Variants in PLAC8L1 observed in about 807,000 individuals in gnomAD.
PLAC8L1 encodes PLAC8 like 1, also known as PLAC8-like protein 1.
Under a neutral mutation model 16.3 loss-of-function variants are expected in PLAC8L1, and 13 were observed. The ratio of observed to expected loss-of-function variants is 0.80; its 90% CI spans 0.52 to 1.27. PLAC8L1 has a LOEUF of 1.27. Ranked by LOEUF, PLAC8L1 falls within the 50% of genes most tolerant of loss-of-function variation. The pLI, the probability that PLAC8L1 is intolerant of heterozygous loss-of-function variation, is 0.00. For missense variants in PLAC8L1, 184 were observed against 220.2 expected, an observed-to-expected ratio of 0.84 and a Z score of 1.04; for synonymous variants, 78 against 79.3, an observed-to-expected ratio of 0.98 and a Z score of 0.09.
intron 2 of PLAC8L1, among the ~76,000 whole-genome samples, chr5:146,093,670 GC>G (rs1344897359): frequency 6.6e-6 from 1 of 152,318 alleles, no homozygotes; most frequent in Non-Finnish European, 1.5e-5. Flanking sequence ...GGGCGTCAGA[GC>G]ATTGAACAAG....
At position 146,098,298 on chromosome 5, in the gene PLAC8L1, G is replaced by T. The variant is rs776613367; in HGVS notation, c.120-6C>A. 6.2e-7 allele frequency: 1 copy of T among 1,613,066 alleles called. No homozygotes were observed. The highest frequency in any genetic ancestry group is 1.3e-5 in the African/African-American group (1 of 75,014). ...CGCTGGCTGGTACATGGCCTCTGGA[G>T]AGTCAAGGATGATGATTAACTTGGA... On this transcript the variant is annotated splice_polypyrimidine_tract_variant and splice_region_variant and intron_variant, in intron 1 of 3. Coordinates refer to ENST00000311450, the MANE Select transcript of PLAC8L1 (RefSeq NM_001029869.3).
chr5:146,088,022 G>A (rs561608823), intron 2 of PLAC8L1, among the ~76,000 whole-genome samples: 2 of 152,288 alleles, frequency 1.3e-5, no homozygotes, highest in South Asian at 2.1e-4. Flanking sequence ...CTAATGGTTT[G>A]GCACCATCCC....
chr5:146,101,788 A>G (rs1411367083), intron 1 of PLAC8L1, among the ~76,000 whole-genome samples: 1 of 152,186 alleles, frequency 6.6e-6, no homozygotes, highest in Non-Finnish European at 1.5e-5. Flanking sequence ...CTCCATACAA[A>G]GGCATTTACC....
intron 2 of PLAC8L1, among the ~76,000 whole-genome samples, chr5:146,094,059 T>TTTG (rs1330480324): frequency 6.6e-6 from 1 of 152,238 alleles, no homozygotes; most frequent in East Asian, 1.9e-4. Flanking sequence ...TTTATAGATT[T>TTTG]TTGTTGTTGT....
In PLAC8L1 at chr5:146,085,492, C is replaced by G. The variant is rs924039162; in HGVS notation, c.362G>C (p.Arg121Thr). The change falls in exon 3 of 4, where the codon AGA becomes ACA. Residue 121 changes from arginine (R) to threonine (T), a missense_variant. Arg to Thr is a moderately conservative substitution (Grantham distance 71). Transcript: ENST00000311450. The stretch of plus-strand genomic sequence containing the variant: ...TTTATGTCTCTCCCTGGTGCCAATT[C>G]TCAGTGCAAAGGTGGACCCAGGTAA... ...PLLPGSTFALRIGTRERHKIQ... is the reference protein window; with the variant it reads ...PLLPGSTFALTIGTRERHKIQ... The G allele has an allele frequency of 1.2e-6, 2 of 1,613,996 alleles. No homozygotes were observed. The highest frequency in any genetic ancestry group is 2.7e-5 in the African/African-American group (2 of 74,894).
At chr5:146,096,809 G>A (rs1763725260) in intron 2 of PLAC8L1, among the ~76,000 whole-genome samples, 2 of 152,194 alleles carry the variant, frequency 1.3e-5, no homozygotes. Context: ...GTCATGAAAA[G>A]AGCAGAGAAT....
rs1638524717 is a variant in PLAC8L1, at chr5:146,098,201, C to A, written c.211G>T (p.Gly71Cys). ...ACACTGAAGAGACCGGTGCTCCAGC[C>A]CCCGCCAGTCTGGACAATTGCTGTG... ...TITAIVQTGGGWSTGLFSVCR... is the reference protein window; with the variant it reads ...TITAIVQTGGCWSTGLFSVCR... The change falls in exon 2 of 4, where the codon GGC (glycine) becomes TGC (cysteine). Residue 71 changes from glycine (G) to cysteine (C), a missense_variant. Physicochemically the swap from Gly to Cys is radical, Grantham distance 159. Transcript: ENST00000311450. 2 of 1,613,958 alleles carry A rather than the reference C, an allele frequency of 1.2e-6. No homozygotes were observed. Among genetic ancestry groups the A allele is most frequent in the Non-Finnish European group, 8.5e-7 (1 of 1,179,980 alleles).
intron 2 of PLAC8L1, among the ~76,000 whole-genome samples, chr5:146,086,419 G>C (rs1428320176): frequency 6.6e-6 from 1 of 152,160 alleles, no homozygotes; most frequent in East Asian, 1.9e-4. Flanking sequence ...ATTTATGTTA[G>C]TGTCTTGGAG....
intron 1 of PLAC8L1, among the ~76,000 whole-genome samples, chr5:146,103,008 C>G (rs1763846937): frequency 6.6e-6 from 1 of 152,166 alleles, no homozygotes; most frequent in Non-Finnish European, 1.5e-5. Context: ...GAAAGGAGAA[C>G]TGGACCAGGT....
Position 146,088,783 on chromosome 5 carries a change from C to T in PLAC8L1, c.257-3186G>A, listed in dbSNP as rs563974072. Among the ~76,000 whole-genome samples the T allele has an allele frequency of 3.9e-5, 6 of 152,264 alleles. No homozygotes were observed. In the South Asian group the frequency reaches 1.2e-3, roughly 32 times the overall value. The stretch of plus-strand genomic sequence containing the variant: ...ATCTCAAGTAGATCAGCAGGCCCCA[C>T]CCAGCCCGGATACCTGGTATGAACA... On this transcript the variant is annotated intron_variant, in intron 2 of 3. Transcript: ENST00000311450.
Position 146,084,421 on chromosome 5 carries a change from T to C in PLAC8L1, c.*11A>G. ...GGTGTTGGGGAGTAAGGAGGAGGAG[T>C]TATCTTGCTGTCAAACCAGGGTGTC... On this transcript the variant is annotated 3_prime_UTR_variant, in exon 4 of 4. Transcript: ENST00000311450. The C allele has an allele frequency of 6.2e-7, 1 of 1,612,264 alleles. No individual in the cohort carries two copies. The highest frequency in any genetic ancestry group is 8.5e-7 in the Non-Finnish European group (1 of 1,179,086).
rs115386755 is a variant in PLAC8L1 at position 146,087,933 on chromosome 5, C to G, written c.257-2336G>C. On this transcript the variant is annotated intron_variant, in intron 2 of 3. Coordinates refer to ENST00000311450, the MANE Select transcript of PLAC8L1 (RefSeq NM_001029869.3). ...GAGGTGCTACACACTTTTAAACAAC[C>G]AGATCTCATAAGAACTTACTCACTA... 2.7e-3 allele frequency among the ~76,000 whole-genome samples: 404 copies of G among 152,170 alleles called. 2 individuals carry two copies. The highest frequency in any genetic ancestry group is 8.8e-3 in the African/African-American group (367 of 41,518).
intron 2 of PLAC8L1, among the ~76,000 whole-genome samples, chr5:146,087,933 C>T (rs115386755): frequency 6.6e-6 from 1 of 152,056 alleles, no homozygotes; most frequent in African/African-American, 2.4e-5. Context: ...TTTAAACAAC[C>T]AGATCTCATA....
intron 2 of PLAC8L1, among the ~76,000 whole-genome samples, chr5:146,088,192 G>A (rs913376893): frequency 1.3e-5 from 2 of 152,248 alleles, no homozygotes; most frequent in African/African-American, 2.4e-5. Context: ...GAACTCCTGG[G>A]CTCAAGCAAT....
intron 2 of PLAC8L1, among the ~76,000 whole-genome samples, chr5:146,086,022 G>GTTTTTTTTTT (rs1561781679): frequency 9.9e-5 from 11 of 110,990 alleles, no homozygotes; most frequent in African/African-American, 3.5e-4. Context: ...TAATTGAAAG[G>GTTTTTTTTTT]TCTTTTTTTT....
rs941802609 is a variant in PLAC8L1, at chr5:146,105,142, C to T, written c.-831G>A. On this transcript the variant is annotated 5_prime_UTR_variant, in exon 1 of 4. In the 5' UTR this introduces an upstream ATG that the reference lacks. Coordinates refer to ENST00000311450, the MANE Select transcript of PLAC8L1 (RefSeq NM_001029869.3). ...AGACAAAAAATTAGGCAAAATTTCA[C>T]GTTGAGGAAAGGGCTCTGCAATCAT... is the stretch of plus-strand genomic sequence containing the variant. Among the ~76,000 whole-genome samples, 5 of 152,046 alleles carry T rather than the reference C, an allele frequency of 3.3e-5. No individual in the cohort carries two copies. Among genetic ancestry groups the T allele is most frequent in the African/African-American group, 7.3e-5 (3 of 41,364 alleles).
At chr5:146,098,426 G>A (rs1377096462) in intron 1 of PLAC8L1, 134 bp from the exon 2 acceptor site, 9 of 736,552 alleles carry the variant, frequency 1.2e-5, no homozygotes, top group African/African-American at 1.8e-5. Context: ...AATCGACTTT[G>A]CCATCTCCCT....
intron 1 of PLAC8L1, among the ~76,000 whole-genome samples, chr5:146,102,066 C>CT (rs1304748595): frequency 2.1e-5 from 1 of 47,512 alleles, no homozygotes. Context: ...TGTCTTTTGT[C>CT]TTTTTTTGAA....
intron 2 of PLAC8L1, 91 bp from the exon 3 acceptor site, chr5:146,085,688 G>C: frequency 7.3e-7 from 1 of 1,374,668 alleles, no homozygotes; most frequent in Non-Finnish European, 9.9e-7. Context: ...TATGCCACCA[G>C]TTTAATGCTG....
Sources: allele counts gnomAD v4.1 joint callset (sites outside exome capture counted in the v4.1 genomes callset), GRCh38; gene constraint gnomAD v4.1.1; transcripts MANE v1.5; gene names NCBI Gene and HGNC (gene_info 2026-07-23, HGNC 2026-07-21).